Variants in PHF20 observed in about 807,000 individuals in gnomAD.
The protein encoded by PHF20 is glioma-expressed antigen 2.
In PHF20, 23 loss-of-function variants were observed where a neutral mutation model predicts 113.5. The observed-to-expected ratio is 0.20, with a 90% CI of 0.15 to 0.29. PHF20 has a LOEUF of 0.29. PHF20 is among the 10% of genes least tolerant of loss of function. The pLI, the probability that PHF20 is intolerant of heterozygous loss-of-function variation, is 1.00. For synonymous variants in PHF20, 434 were observed against 457.3 expected (o/e 0.95, Z 0.65); for missense variants, 943 against 1,219.6 (o/e 0.77, Z 3.38).
In PHF20 at chr20:35,842,259, T is replaced by C. The variant is rs2042549013; in HGVS notation, c.84-314T>C. On this transcript the variant is annotated intron_variant, in intron 2 of 17. Transcript: ENST00000374012. ...ACTCGGGAGGCTGAGGCAGGGAGAA[T>C]TGCTTGAACCCAGGAGGTTGCGGTG... 1.3e-5 allele frequency among the ~76,000 whole-genome samples: 2 copies of C among 152,080 alleles called. 1 individual carries two copies. The highest frequency in any genetic ancestry group is 4.1e-4 in the South Asian group (2 of 4,826).
chr20:35,904,649 T>G (rs528446661), intron 10 of PHF20, among the ~76,000 whole-genome samples: 1 of 152,174 alleles, frequency 6.6e-6, no homozygotes, highest in Non-Finnish European at 1.5e-5. Context: ...TCTGGGTTGG[T>G]AAGGTTGGGC....
chr20:35,887,977 CTTTT>C (rs1173881486), intron 9 of PHF20, among the ~76,000 whole-genome samples: 1 of 137,270 alleles, frequency 7.3e-6, no homozygotes, highest in African/African-American at 2.7e-5. Flanking sequence ...TTAGGGTTAC[CTTTT>C]TTTTTTTTTT....
At chr20:35,864,452 A>ACACACACACACACACACAC (rs59351622) in intron 6 of PHF20, among the ~76,000 whole-genome samples, 2 of 151,080 alleles carry the variant, frequency 1.3e-5, no homozygotes, top group Non-Finnish European at 1.5e-5. Context: ...ACACACACAC[A>ACACACACACACACACACAC]AATATTTTCA....
chr20:35,941,138 AGG>A, intron 17 of PHF20, 91 bp downstream of exon 17: 2 of 1,006,724 alleles, frequency 2.0e-6, no homozygotes, highest in Non-Finnish European at 3.0e-6. Context: ...CTGAGTTTAC[AGG>A]GACCGCTGTA....
chr20:35,895,512 A>C (rs1232285257), intron 9 of PHF20, among the ~76,000 whole-genome samples: 1 of 152,104 alleles, frequency 6.6e-6, no homozygotes, highest in Non-Finnish European at 1.5e-5. Context: ...ATTTAACCTA[A>C]TATAGATCAA....
chr20:35,813,890 C>G (rs1189034786), intron 2 of PHF20, among the ~76,000 whole-genome samples: 2 of 138,136 alleles, frequency 1.4e-5, no homozygotes, highest in Non-Finnish European at 3.0e-5. Context: ...CAAGATCACA[C>G]CATTGCACTC....
intron 1 of PHF20, among the ~76,000 whole-genome samples, chr20:35,778,243 C>T (rs990380073): frequency 1.3e-5 from 2 of 152,042 alleles, no homozygotes; most frequent in African/African-American, 4.8e-5. Context: ...ACCACCATGC[C>T]CAACTAATTT....
At chr20:35,931,954 A>T (rs549411593) in intron 15 of PHF20, among the ~76,000 whole-genome samples, 1 of 152,012 alleles carries the variant, frequency 6.6e-6, no homozygotes, top group Non-Finnish European at 1.5e-5. Context: ...TCCGTCTCAA[A>T]AAAAAAAAGA....
intron 10 of PHF20, 115 bp from the exon 11 acceptor site, chr20:35,913,134 C>T (rs1568754402): frequency 2.0e-5 from 11 of 558,814 alleles, no homozygotes; most frequent in Non-Finnish European, 3.6e-5. Flanking sequence ...GAGCAATCTG[C>T]TCCAGACTTC....
At chr20:35,880,281 G>T (rs557494402) in intron 9 of PHF20, among the ~76,000 whole-genome samples, 1 of 152,300 alleles carries the variant, frequency 6.6e-6, no homozygotes, top group Admixed American at 6.5e-5. Context: ...TGGAGGCAAA[G>T]CAGCTAGCAC....
At chr20:35,923,645 T>C (rs1418091923) in intron 13 of PHF20, among the ~76,000 whole-genome samples, 1 of 152,244 alleles carries the variant, frequency 6.6e-6, no homozygotes, top group Non-Finnish European at 1.5e-5. Context: ...TTCTTGTATA[T>C]CCTTCCAGAA....
At chr20:35,788,627 G>A (rs1035618873) in intron 1 of PHF20, among the ~76,000 whole-genome samples, 1 of 151,988 alleles carries the variant, frequency 6.6e-6, no homozygotes, top group Non-Finnish European at 1.5e-5. Flanking sequence ...GCCCAGGCTG[G>A]AGTGCAATGG....
intron 3 of PHF20, 67 bp downstream of exon 3, chr20:35,842,811 C>A: frequency 7.1e-7 from 1 of 1,409,096 alleles, no homozygotes; most frequent in Non-Finnish European, 9.9e-7. Context: ...GTGTTTCAAT[C>A]TTTGATGTTA....
intron 1 of PHF20, among the ~76,000 whole-genome samples, chr20:35,778,301 G>A (rs1455098052): frequency 1.3e-5 from 2 of 152,014 alleles, no homozygotes; most frequent in Non-Finnish European, 2.9e-5. Context: ...GTTAAGCTGG[G>A]ACATTTTTCT....
At position 35,807,022 on chromosome 20, in the gene PHF20, C is replaced by G. The variant is rs146966585; in HGVS notation, c.83+5417C>G. ...GTGTTAGCCAGGATGGTCTCGATCT[C>G]CTGACCTTGTGATCTGCCCGCCTTG... On this transcript the variant is annotated intron_variant, in intron 2 of 17. Coordinates refer to ENST00000374012, the MANE Select transcript of PHF20 (RefSeq NM_016436.5). Among the ~76,000 whole-genome samples the G allele has an allele frequency of 7.7e-3, 1,163 of 151,980 alleles. 10 individuals are homozygous for G. Among genetic ancestry groups the G allele is most frequent in the East Asian group, 0.039 (200 of 5,162 alleles).
intron 9 of PHF20, among the ~76,000 whole-genome samples, chr20:35,873,507 C>T (rs774315548): frequency 8.7e-5 from 12 of 138,112 alleles, no homozygotes; most frequent in African/African-American, 2.9e-4. Context: ...CTTGCTCTAT[C>T]GCCCAGGCTG....
Position 35,948,471 on chromosome 20 carries a change from T to C in PHF20, c.*844T>C, listed in dbSNP as rs945110967. On this transcript the variant is annotated 3_prime_UTR_variant, in exon 18 of 18. Coordinates refer to ENST00000374012, the MANE Select transcript of PHF20 (RefSeq NM_016436.5). ...TTCAAACTCTTTCACTGTAAAGATT[T>C]GTTACAAAGAATGTGGTTTGGGGAA... The C allele has an allele frequency of 6.5e-6, 1 of 152,690 alleles. No homozygotes were observed. The highest frequency in any genetic ancestry group is 1.5e-5 in the Non-Finnish European group (1 of 68,038). 9.5% of individuals were successfully genotyped at this position (152,690 alleles called of 1,614,324 possible).
intron 17 of PHF20, among the ~76,000 whole-genome samples, chr20:35,942,692 G>A (rs2056005982): frequency 6.6e-6 from 1 of 152,100 alleles, no homozygotes; most frequent in South Asian, 2.1e-4. Context: ...TAACAAGAAA[G>A]CATTAAAATA....
intron 9 of PHF20, among the ~76,000 whole-genome samples, chr20:35,885,591 A>G (rs115604666): frequency 0.01 from 1,474 of 143,626 alleles, 30 homozygotes; most frequent in African/African-American, 0.036. Context: ...GGTTTTTCTG[A>G]TGTATCCTCA....
Sources: gnomAD v4.1 joint callset for allele counts (sites outside exome capture counted in the v4.1 genomes callset) on GRCh38, gnomAD v4.1.1 for gene constraint, MANE v1.5 for transcripts, NCBI Gene and HGNC (gene_info 2026-07-23, HGNC 2026-07-21) for gene names.